The following KIF26B variants were observed in gnomAD, a reference collection of about 807,000 sequenced individuals.
KIF26B encodes kinesin-like protein KIF26B.
Under a neutral mutation model 151.2 loss-of-function variants are expected in KIF26B, and 63 were observed. The ratio of observed to expected loss-of-function variants is 0.42; its 90% CI spans 0.34 to 0.51. The LOEUF (loss-of-function observed/expected upper bound fraction) is 0.51. Among genes scored for constraint, KIF26B ranks in the 20% least tolerant of loss-of-function variants. The probability of loss-of-function intolerance (pLI) is 0.07; values close to 1 mark genes in which losing one functional copy is unlikely to be tolerated. For synonymous variants in KIF26B, 1,357 were observed against 1,262.1 expected, an observed-to-expected ratio of 1.08 and a Z score of -1.59; for missense variants, 2,813 against 2,913.6, an observed-to-expected ratio of 0.97 and a Z score of 0.79.
chr1:245,268,266 G>A (rs1670784814), intron 2 of KIF26B, among the ~76,000 whole-genome samples: 1 of 151,764 alleles, frequency 6.6e-6, no homozygotes, highest in Admixed American at 6.6e-5. Flanking sequence ...TCAGGAGATC[G>A]AGACCATCCT....
chr1:245,328,669 A>C (rs1305140617), intron 2 of KIF26B, among the ~76,000 whole-genome samples: 1 of 152,128 alleles, frequency 6.6e-6, no homozygotes, highest in East Asian at 1.9e-4. Context: ...AAGGACTAGC[A>C]CCCATGAGCA....
intron 4 of KIF26B, among the ~76,000 whole-genome samples, chr1:245,447,047 T>C (rs1043051219): frequency 6.6e-6 from 1 of 152,206 alleles, no homozygotes; most frequent in Non-Finnish European, 1.5e-5. Flanking sequence ...GAAGGATTGA[T>C]TGCATATGAA....
At chr1:245,415,996 G>A (rs1674406652) in intron 3 of KIF26B, among the ~76,000 whole-genome samples, 1 of 151,732 alleles carries the variant, frequency 6.6e-6, no homozygotes, top group Non-Finnish European at 1.5e-5. Context: ...GCCAGGCGCG[G>A]TGGCTCACGC....
intron 4 of KIF26B, chr1:245,510,874 TCATGGTTTAGC>T: frequency 1.7e-6 from 1 of 575,366 alleles, no homozygotes; most frequent in East Asian, 2.8e-5. Context: ...GAGGCCAGGA[TCATGGTTTAGC>T]CAAAGGCTGG....
intron 2 of KIF26B, among the ~76,000 whole-genome samples, chr1:245,336,282 AAG>A (rs1386949397): frequency 6.6e-6 from 1 of 152,242 alleles, no homozygotes; most frequent in Non-Finnish European, 1.5e-5. Flanking sequence ...TCTCAGAAAG[AAG>A]AGAGAGGAAG....
chr1:245,374,166 C>A (rs1358343674), intron 3 of KIF26B, among the ~76,000 whole-genome samples: 1 of 107,296 alleles, frequency 9.3e-6, no homozygotes, highest in Non-Finnish European at 1.8e-5. Context: ...AAAGCAACAC[C>A]AACCTCAACA....
At position 245,662,418 on chromosome 1, in the gene KIF26B, TATAC is replaced by T. The variant is rs2044158207; in HGVS notation, c.2258+16144_2258+16147del. Among the ~76,000 whole-genome samples the T allele has an allele frequency of 6.9e-5, 8 of 116,666 alleles. No homozygotes were observed. The South Asian group carries it at 2.4e-3, about 35-fold the overall frequency. The allele number at this position is 116,666 out of a possible 152,430, so 76.5% of individuals were successfully genotyped here. On this transcript the variant is annotated intron_variant, in intron 10 of 14. Transcript: ENST00000407071. ...ATACACACACATACACCCAGTGATA[TATAC>T]ATACACATACCCGATATATATATAT...
chr1:245,238,070 T>C (rs974492558), intron 2 of KIF26B, among the ~76,000 whole-genome samples: 3 of 146,754 alleles, frequency 2.0e-5, no homozygotes, highest in Non-Finnish European at 4.5e-5. Context: ...TGCTGGCTCA[T>C]GCCCGTAATC....
chr1:245,286,139 A>G (rs57750279), intron 2 of KIF26B, among the ~76,000 whole-genome samples: 6,274 of 152,208 alleles, frequency 0.041, 439 homozygotes, highest in African/African-American at 0.14. Flanking sequence ...CTGTGGGAGA[A>G]TCGTTTCTTA....
intron 4 of KIF26B, among the ~76,000 whole-genome samples, chr1:245,487,980 G>A (rs779013642): frequency 1.3e-5 from 2 of 152,034 alleles, no homozygotes; most frequent in Non-Finnish European, 2.9e-5. Flanking sequence ...TAGAGATGAG[G>A]CTTCTCCAAG....
chr1:245,300,249 A>G (rs1411492728), intron 2 of KIF26B, among the ~76,000 whole-genome samples: 1 of 152,148 alleles, frequency 6.6e-6, no homozygotes, highest in Non-Finnish European at 1.5e-5. Flanking sequence ...ATGCAAGTTC[A>G]TTTTATTAAG....
intron 1 of KIF26B, 52 bp downstream of exon 1, chr1:245,155,539 G>T: frequency 2.0e-6 from 3 of 1,474,586 alleles, no homozygotes; most frequent in Non-Finnish European, 1.9e-6. Context: ...CATCTCGGCG[G>T]AGGTCCCCCT....
Position 245,388,203 on chromosome 1 carries a change from GT to G in KIF26B, c.999+20846del, listed in dbSNP as rs372323514. On this transcript the variant is annotated intron_variant, in intron 3 of 14. Transcript: ENST00000407071. ...AAGGACCATGATATGAACAAGTCAG[GT>G]TTTTTTTTTATCATAGTATTTTTTA... Among the ~76,000 whole-genome samples the G allele has an allele frequency of 1.3e-3, 199 of 149,050 alleles. 1 individual carries two copies. Among genetic ancestry groups the G allele is most frequent in the South Asian group, 0.012 (59 of 4,722 alleles).
At chr1:245,260,605 T>C (rs1173438868) in intron 2 of KIF26B, among the ~76,000 whole-genome samples, 1 of 152,220 alleles carries the variant, frequency 6.6e-6, no homozygotes, top group African/African-American at 2.4e-5. Flanking sequence ...CGGTTTGCGG[T>C]CAGTGCTCAC....
At chr1:245,325,203 C>G (rs1671965047) in intron 2 of KIF26B, among the ~76,000 whole-genome samples, 1 of 152,000 alleles carries the variant, frequency 6.6e-6, no homozygotes, top group African/African-American at 2.4e-5. Context: ...TATCTGTGTA[C>G]CCATGCTTCT....
intron 2 of KIF26B, among the ~76,000 whole-genome samples, chr1:245,288,119 C>G (rs1193578954): frequency 6.6e-6 from 1 of 152,118 alleles, no homozygotes; most frequent in Non-Finnish European, 1.5e-5. Flanking sequence ...TCGGAGCGAG[C>G]ATTATTCCTG....
At chr1:245,234,708 G>A (rs1670071747) in intron 2 of KIF26B, among the ~76,000 whole-genome samples, 1 of 152,206 alleles carries the variant, frequency 6.6e-6, no homozygotes, top group African/African-American at 2.4e-5. Context: ...GCGAGGAGAA[G>A]GGCACTGATT....
chr1:245,388,073 G>A (rs552878998), intron 3 of KIF26B, among the ~76,000 whole-genome samples: 4 of 152,210 alleles, frequency 2.6e-5, no homozygotes, highest in Non-Finnish European at 4.4e-5. Context: ...TCATCTCTGG[G>A]AGACGAGCGC....
chr1:245,263,480 A>G (rs962971038), intron 2 of KIF26B, among the ~76,000 whole-genome samples: 1 of 152,224 alleles, frequency 6.6e-6, no homozygotes, highest in South Asian at 2.1e-4. Flanking sequence ...GCAGGCATCT[A>G]TCATGAACTG....
Sources: gnomAD v4.1 joint callset for allele counts (sites outside exome capture counted in the v4.1 genomes callset) on GRCh38, gnomAD v4.1.1 for gene constraint, MANE v1.5 for transcripts, NCBI Gene and HGNC (gene_info 2026-07-23, HGNC 2026-07-21) for gene names.